Variants in WDFY4 observed in about 807,000 individuals in gnomAD.
WDFY4 encodes the protein WDFY family member 4.
A neutral mutation model predicts 351.9 loss-of-function variants in WDFY4; 169 were observed. That is an observed-to-expected ratio of 0.48 (90% CI 0.42 to 0.55). WDFY4 has a LOEUF of 0.55. Ranked by LOEUF, WDFY4 falls within the 20% of genes least tolerant of loss-of-function variation. The pLI is 0.00. For synonymous variants in WDFY4, 1,622 were observed against 1,574.6 expected, an observed-to-expected ratio of 1.03 and a Z score of -0.71; for missense variants, 3,803 against 3,935.6, an observed-to-expected ratio of 0.97 and a Z score of 0.90.
At chr10:48,787,751 G>A (rs747573290) in intron 20 of WDFY4, among the ~76,000 whole-genome samples, 13 of 150,970 alleles carry the variant, frequency 8.6e-5, no homozygotes, top group Non-Finnish European at 1.3e-4. Context: ...ACAAATCTTG[G>A]GAGAGTTCGC....
At chr10:48,745,245 T>C (rs1451664408) in intron 12 of WDFY4, among the ~76,000 whole-genome samples, 1 of 152,228 alleles carries the variant, frequency 6.6e-6, no homozygotes, top group Non-Finnish European at 1.5e-5. Context: ...TAGTCATCTT[T>C]GCTATTTACT....
At chr10:48,840,926 T>A (rs1020068758) in intron 39 of WDFY4, among the ~76,000 whole-genome samples, 11 of 152,228 alleles carry the variant, frequency 7.2e-5, no homozygotes, top group Admixed American at 1.3e-4. Flanking sequence ...ATCTTTATCT[T>A]CATAATAGAA....
At chr10:48,937,331 G>A (rs1290556401) in intron 47 of WDFY4, among the ~76,000 whole-genome samples, 2 of 152,148 alleles carry the variant, frequency 1.3e-5, no homozygotes, top group African/African-American at 4.8e-5. Context: ...CAGGTAGCTG[G>A]CATTTCATAC....
chr10:48,731,342 C>T lies in WDFY4; in HGVS notation c.1362C>T (p.Ala454=). 1 of 1,551,760 alleles carries T rather than the reference C, an allele frequency of 6.4e-7. No individual in the cohort carries two copies. The highest frequency in any genetic ancestry group is 8.7e-7 in the Non-Finnish European group (1 of 1,146,996). ...AACACTTCTTCCAGCTTCTAGAGGC[C>T]CTGGTGTTCGAGCTGCACTACGTGC... ...VQEHFFQLLE[A]LVFELHYVPH... The change falls in exon 9 of 62, where the codon GCC becomes GCT. Residue 454 remains alanine, a synonymous_variant. Coordinates refer to ENST00000325239, the MANE Select transcript of WDFY4 (RefSeq NM_001394531.1).
At position 48,788,618 on chromosome 10, in the gene WDFY4, T is replaced by C; in HGVS notation, c.3897T>C (p.Ser1299=). 1 of 1,551,780 alleles carries C rather than the reference T, an allele frequency of 6.4e-7. No homozygotes were observed. The highest frequency in any genetic ancestry group is 8.7e-7 in the Non-Finnish European group (1 of 1,147,006). The part of the protein sequence containing the change: ...GLHIASSSIT[S]VADIRNAYNE... ...ACATAGCCAGCTCCTCTATCACCAG[T>C]GTAGCGGACATCAGAAATGCTTACA... The change falls in exon 21 of 62, where the codon AGT becomes AGC. Residue 1299 remains serine (S), a synonymous_variant. Transcript: ENST00000325239.
chr10:48,887,555 G>A (rs2070512426), intron 43 of WDFY4, among the ~76,000 whole-genome samples: 1 of 152,164 alleles, frequency 6.6e-6, no homozygotes, highest in South Asian at 2.1e-4. Context: ...AAGACGGGCG[G>A]ATCACGAGGT....
chr10:48,949,361 G>A (rs868314279), intron 51 of WDFY4, among the ~76,000 whole-genome samples: 4 of 152,248 alleles, frequency 2.6e-5, no homozygotes, highest in Non-Finnish European at 4.4e-5. Context: ...TAGCTCTCGA[G>A]AGGATGAGTA....
chr10:48,924,153 C>G (rs1045699088), intron 47 of WDFY4, among the ~76,000 whole-genome samples: 2 of 152,206 alleles, frequency 1.3e-5, no homozygotes, highest in Admixed American at 1.3e-4. Context: ...GAGTCTGGGT[C>G]CCTAGGCAGC....
Position 48,830,577 on chromosome 10 carries a change from G to A in WDFY4, c.6341-123G>A, listed in dbSNP as rs1172323071. 7 of 1,083,294 alleles carry A rather than the reference G, an allele frequency of 6.5e-6. No individual in the cohort carries two copies. In the African/African-American group the frequency reaches 7.9e-5, roughly 12 times the overall value. The allele number at this position is 1,083,294 out of a possible 1,614,324, so 67.1% of individuals were successfully genotyped here. ...TCTCGCTGAAGCTTGCAAAGCTGGGGTGATGTTCAAGACCTTAAGTGAGAA... is the reference window on the plus strand; with the variant it reads ...TCTCGCTGAAGCTTGCAAAGCTGGGATGATGTTCAAGACCTTAAGTGAGAA... On this transcript the variant is annotated intron_variant, in intron 37 of 61. Transcript: ENST00000325239.
intron 48 of WDFY4, 143 bp downstream of exon 48, chr10:48,941,991 T>C (rs958232313): frequency 1.1e-5 from 10 of 880,284 alleles, no homozygotes; most frequent in Non-Finnish European, 1.5e-5. Context: ...TGAGATGGAG[T>C]TTCACTCTTG....
chr10:48,876,734 A>G (rs2070027701), intron 42 of WDFY4, among the ~76,000 whole-genome samples: 1 of 152,188 alleles, frequency 6.6e-6, no homozygotes, highest in South Asian at 2.1e-4. Context: ...CTGACTAACG[A>G]GGGTGAATTT....
intron 43 of WDFY4, among the ~76,000 whole-genome samples, chr10:48,889,057 C>A (rs1341490967): frequency 1.3e-5 from 2 of 152,204 alleles, no homozygotes; most frequent in Non-Finnish European, 2.9e-5. Flanking sequence ...GAATAGATGA[C>A]CACCTGGATG....
chr10:48,936,837 CAAA>C (rs559680291), intron 47 of WDFY4, among the ~76,000 whole-genome samples: 2 of 59,282 alleles, frequency 3.4e-5, no homozygotes, highest in Non-Finnish European at 3.5e-5. Context: ...GACTCCGTCT[CAAA>C]AAAAAAAAAA....
At position 48,830,900 on chromosome 10, in the gene WDFY4, G is replaced by C; in HGVS notation, c.6526+15G>C. The C allele has an allele frequency of 6.5e-7, 1 of 1,545,156 alleles. No homozygotes were observed. The highest frequency in any genetic ancestry group is 8.8e-7 in the Non-Finnish European group (1 of 1,142,274). On this transcript the variant is annotated intron_variant, in intron 38 of 61. Coordinates refer to ENST00000325239, the MANE Select transcript of WDFY4 (RefSeq NM_001394531.1). The stretch of plus-strand genomic sequence containing the variant: ...GCATTACTTAGGTCTCTATCCACTC[G>C]GCTCCAGGGAATGGGAACTCCTGGG...
chr10:48,818,698 A>T (rs2067705668), intron 32 of WDFY4, among the ~76,000 whole-genome samples: 1 of 152,286 alleles, frequency 6.6e-6, no homozygotes, highest in Non-Finnish European at 1.5e-5. Flanking sequence ...AAACTTTAAA[A>T]GTAGTTTTAA....
intron 1 of WDFY4, among the ~76,000 whole-genome samples, chr10:48,691,706 T>C (rs2063200774): frequency 6.6e-6 from 1 of 152,244 alleles, no homozygotes; most frequent in Non-Finnish European, 1.5e-5. Context: ...AATTTCTCAG[T>C]AGCGCTCTAA....
intron 47 of WDFY4, among the ~76,000 whole-genome samples, chr10:48,941,367 T>C (rs1026894712): frequency 6.6e-6 from 1 of 152,242 alleles, no homozygotes; most frequent in Admixed American, 6.5e-5. Flanking sequence ...CTGGTGACTG[T>C]GGACCCTTCT....
chr10:48,932,809 G>T (rs1450925426), intron 47 of WDFY4, among the ~76,000 whole-genome samples: 1 of 152,154 alleles, frequency 6.6e-6, no homozygotes, highest in Non-Finnish European at 1.5e-5. Flanking sequence ...GGTGGGTGGG[G>T]AGGTCCTTTC....
chr10:48,821,384 G>A (rs894383421), intron 34 of WDFY4, among the ~76,000 whole-genome samples: 5 of 152,212 alleles, frequency 3.3e-5, no homozygotes, highest in African/African-American at 7.2e-5. Context: ...TGACACCCTT[G>A]TCATGCTGTG....
Sources: allele counts gnomAD v4.1 joint callset (sites outside exome capture counted in the v4.1 genomes callset), GRCh38; gene constraint gnomAD v4.1.1; transcripts MANE v1.5; gene names NCBI Gene and HGNC (gene_info 2026-07-23, HGNC 2026-07-21).